The following XIRP2 variants were observed in gnomAD, a reference collection of about 807,000 sequenced individuals.
The protein encoded by XIRP2 is xin actin-binding repeat-containing protein 2.
In XIRP2, 236 loss-of-function variants were observed where a neutral mutation model predicts 277.0. The observed-to-expected ratio is 0.85, with a 90% CI of 0.77 to 0.95. The LOEUF is 0.95. Ranked by LOEUF, XIRP2 falls within the 40% of genes least tolerant of loss-of-function variation. XIRP2 has a pLI of 0.00. For synonymous variants in XIRP2, 1,490 were observed against 1,416.5 expected (o/e 1.05, Z -1.17); for missense variants, 4,640 against 4,157.5 (o/e 1.12, Z -3.19).
Position 167,244,820 on chromosome 2 carries a change from C to A in XIRP2, c.3428C>A (p.Ser1143Tyr). The A allele has an allele frequency of 5.0e-6, 8 of 1,613,656 alleles. No homozygotes were observed. The highest frequency in any genetic ancestry group is 6.8e-6 in the Non-Finnish European group (8 of 1,179,768). The change falls in exon 9 of 11, where the codon TCT (serine) becomes TAT (tyrosine). Residue 1143 changes from serine to tyrosine, a missense_variant. Transcript: ENST00000409195. ...TQPLDTIKDD[S>Y]ETAVKLQTVK... ...CCACTTGATACCATAAAAGATGACT[C>A]TGAAACAGCAGTCAAATTGCAAACT...
intron 2 of XIRP2, among the ~76,000 whole-genome samples, chr2:166,968,642 C>G (rs1045340362): frequency 6.6e-6 from 1 of 151,960 alleles, no homozygotes. Flanking sequence ...TATCCAGAAC[C>G]TGCTCCATTT....
At chr2:167,115,584 T>A (rs1222234093) in intron 2 of XIRP2, among the ~76,000 whole-genome samples, 1 of 152,200 alleles carries the variant, frequency 6.6e-6, no homozygotes, top group Non-Finnish European at 1.5e-5. Flanking sequence ...GTGAATTCAG[T>A]TGACTGGCTT....
At chr2:167,068,916 A>G (rs117679617) in intron 2 of XIRP2, among the ~76,000 whole-genome samples, 3,362 of 152,216 alleles carry the variant, frequency 0.022, 50 homozygotes, top group East Asian at 0.059. Context: ...TCTTCTTCCA[A>G]TGTGGCCTAG....
chr2:167,088,907 C>T (rs1411776096), intron 2 of XIRP2, among the ~76,000 whole-genome samples: 1 of 152,148 alleles, frequency 6.6e-6, no homozygotes, highest in Non-Finnish European at 1.5e-5. Flanking sequence ...AATCTAAATA[C>T]AATTTCATTC....
At chr2:167,160,258 A>G (rs1442700912) in intron 3 of XIRP2, among the ~76,000 whole-genome samples, 1 of 152,232 alleles carries the variant, frequency 6.6e-6, no homozygotes, top group Non-Finnish European at 1.5e-5. Flanking sequence ...CTTAAAGAAA[A>G]GTTTTAAAGC....
rs1292154532 is a variant in XIRP2, at chr2:167,249,746, C to T, written c.8354C>T (p.Pro2785Leu). The T allele has an allele frequency of 6.2e-7, 1 of 1,613,252 alleles. No individual in the cohort carries two copies. Among genetic ancestry groups the T allele is most frequent in the Non-Finnish European group, 8.5e-7 (1 of 1,179,708 alleles). ...GAGAAAAGAGTGACAGTACAATTGC[C>T]TACAGAATCCATACAGAAGAACCAG... is the stretch of plus-strand genomic sequence containing the variant. ...KKEKRVTVQLPTESIQKNQED... is the reference protein window; with the variant it reads ...KKEKRVTVQLLTESIQKNQED... Residue 2785 changes from proline to leucine, a missense_variant, in exon 9 of 11, where the codon CCT becomes CTT. Coordinates refer to ENST00000409195, the MANE Select transcript of XIRP2 (RefSeq NM_152381.6).
At position 167,246,997 on chromosome 2, in the gene XIRP2, C is replaced by G; in HGVS notation, c.5605C>G (p.Leu1869Val). 1 of 1,613,642 alleles carries G rather than the reference C, an allele frequency of 6.2e-7. No homozygotes were observed. Among genetic ancestry groups the G allele is most frequent in the Middle Eastern group, 1.7e-4 (1 of 6,060 alleles). Reference protein sequence around the residue: ...KTEEIIKGNMLATLKSLKESS... With the variant: ...KTEEIIKGNMVATLKSLKESS... ...AGAAGAAATTATAAAAGGTAACATGCTAGCCACACTCAAGTCACTTAAAGA... is the reference window on the plus strand; with the variant it reads ...AGAAGAAATTATAAAAGGTAACATGGTAGCCACACTCAAGTCACTTAAAGA... The change falls in exon 9 of 11, where the codon CTA becomes GTA. Residue 1869 changes from leucine (L) to valine (V), a missense_variant. Coordinates refer to ENST00000409195, the MANE Select transcript of XIRP2 (RefSeq NM_152381.6).
intron 2 of XIRP2, among the ~76,000 whole-genome samples, chr2:167,086,637 C>T (rs1461647030): frequency 3.3e-5 from 5 of 151,994 alleles, no homozygotes; most frequent in Admixed American, 1.3e-4. Context: ...AGGCTTTGCT[C>T]ATTTCTTTTT....
intron 2 of XIRP2, among the ~76,000 whole-genome samples, chr2:167,018,112 A>G (rs115967870): frequency 0.015 from 2,224 of 152,100 alleles, 65 homozygotes; most frequent in African/African-American, 0.051. Flanking sequence ...ATCTCTCTAC[A>G]AGAAGTTCAT....
chr2:166,938,678 T>C (rs1404777083), intron 2 of XIRP2, among the ~76,000 whole-genome samples: 1 of 152,204 alleles, frequency 6.6e-6, no homozygotes, highest in Non-Finnish European at 1.5e-5. Flanking sequence ...TTGATCTGTC[T>C]AATGTTGACA....
chr2:167,086,960 A>C (rs1689965185), intron 2 of XIRP2, among the ~76,000 whole-genome samples: 1 of 152,158 alleles, frequency 6.6e-6, no homozygotes, highest in Non-Finnish European at 1.5e-5. Flanking sequence ...GTCATTCTCC[A>C]TCCAGCTTTG....
intron 2 of XIRP2, among the ~76,000 whole-genome samples, chr2:166,914,892 T>G (rs1672128807): frequency 6.6e-6 from 1 of 152,204 alleles, no homozygotes; most frequent in South Asian, 2.1e-4. Flanking sequence ...GAAACTTCAG[T>G]AAATCATAAT....
chr2:167,028,924 C>T (rs767849597), intron 2 of XIRP2, among the ~76,000 whole-genome samples: 3 of 151,026 alleles, frequency 2.0e-5, no homozygotes, highest in Non-Finnish European at 4.4e-5. Context: ...AATTGACATA[C>T]TGAAAAATAC....
chr2:167,142,697 T>C (rs1691755384), intron 3 of XIRP2, among the ~76,000 whole-genome samples: 1 of 152,204 alleles, frequency 6.6e-6, no homozygotes, highest in Non-Finnish European at 1.5e-5. Context: ...ACTCCATGTA[T>C]CTATTCAGGT....
chr2:167,193,127 A>G (rs1223812795), intron 3 of XIRP2, among the ~76,000 whole-genome samples: 1 of 152,198 alleles, frequency 6.6e-6, no homozygotes, highest in Non-Finnish European at 1.5e-5. Context: ...TTTGGAAGGC[A>G]TGAGTTTGCA....
rs72884678 is a variant in XIRP2, at chr2:167,246,264, G to T, written c.4872G>T (p.Leu1624Phe). 80,730 of 1,613,242 alleles carry T rather than the reference G, an allele frequency of 0.05. 2,405 individuals are homozygous for T. Among genetic ancestry groups the T allele is most frequent in the Non-Finnish European group, 0.06 (71,172 of 1,179,582 alleles). ...GGGACTGTACTGAAAGAGAGATTTT[G>T]ATTAGTGAAGAAGAGAAGGGAAATG... ...SKRDCTEREI[L>F]ISEEEKGNVN... The change falls in exon 9 of 11, where the codon TTG becomes TTT. Residue 1624 changes from leucine to phenylalanine, a missense_variant. Leu to Phe is a conservative substitution (Grantham distance 22). Transcript: ENST00000409195.
intron 4 of XIRP2, among the ~76,000 whole-genome samples, chr2:167,212,265 A>G (rs554830897): frequency 6.6e-6 from 1 of 152,328 alleles, no homozygotes; most frequent in Non-Finnish European, 1.5e-5. Flanking sequence ...TGGATCATTG[A>G]GGAACTTATT....
intron 2 of XIRP2, among the ~76,000 whole-genome samples, chr2:167,110,596 T>A (rs764562869): frequency 2.0e-5 from 3 of 152,216 alleles, no homozygotes; most frequent in Non-Finnish European, 4.4e-5. Context: ...TAGTTTGAAG[T>A]CTGGTAATGT....
chr2:167,220,562 T>A (rs1354744110), intron 5 of XIRP2, among the ~76,000 whole-genome samples: 1 of 152,188 alleles, frequency 6.6e-6, no homozygotes, highest in Non-Finnish European at 1.5e-5. Flanking sequence ...CAGAATCACT[T>A]CCACTGCGTT....
Sources: allele counts gnomAD v4.1 joint callset (sites outside exome capture counted in the v4.1 genomes callset), GRCh38; gene constraint gnomAD v4.1.1; transcripts MANE v1.5; gene names NCBI Gene and HGNC (gene_info 2026-07-23, HGNC 2026-07-21).